Variants in STAT1 observed in about 807,000 individuals in gnomAD.
STAT1 encodes signal transducer and activator of transcription 1-alpha/beta.
In STAT1, 24 loss-of-function variants were observed where a neutral mutation model predicts 111.7. The ratio of observed to expected loss-of-function variants is 0.21; its 90% CI spans 0.16 to 0.30. STAT1 has a LOEUF of 0.30. Among genes scored for constraint, STAT1 ranks in the 10% least tolerant of loss-of-function variants. The probability of loss-of-function intolerance (pLI) is 1.00; values close to 1 mark genes in which losing one functional copy is unlikely to be tolerated. For missense variants in STAT1, 351 were observed against 911.9 expected (o/e 0.38, Z 7.92); for synonymous variants, 332 against 326.5 (o/e 1.02, Z -0.18).
chr2:191,002,603 T>A (rs1694357307), intron 5 of STAT1, among the ~76,000 whole-genome samples: 1 of 152,220 alleles, frequency 6.6e-6, no homozygotes, highest in South Asian at 2.1e-4. Flanking sequence ...CAGGGAGAGC[T>A]AACATCTTTA....
In STAT1 at chr2:191,007,706, GTTTAC is replaced by G; in HGVS notation, c.274-50_274-46del. 1 of 1,380,102 alleles carries G rather than the reference GTTTAC, an allele frequency of 7.2e-7. No homozygotes were observed. Among genetic ancestry groups the G allele is most frequent in the Non-Finnish European group, 1.0e-6 (1 of 969,890 alleles). 85.5% of individuals were successfully genotyped at this position (1,380,102 alleles called of 1,614,324 possible). ...ACAAAAATAAATTAAAATGCAGAAT[GTTTAC>G]TTTATTGTGTATTGTAAGTTGATAT... On this transcript the variant is annotated intron_variant, in intron 4 of 24. Transcript: ENST00000361099. This position sits in a 1 kb window ranked among gnomAD's most constrained non-coding sequence, Gnocchi z 4.2.
At chr2:191,005,082 A>G (rs1402813640) in intron 5 of STAT1, among the ~76,000 whole-genome samples, 2 of 152,228 alleles carry the variant, frequency 1.3e-5, no homozygotes, top group Non-Finnish European at 2.9e-5. Flanking sequence ...TGGGAACAAT[A>G]ATTTCCCATC....
In STAT1 at chr2:191,007,508, G is replaced by T; in HGVS notation, c.372+55C>A. The T allele has an allele frequency of 1.5e-6, 2 of 1,316,910 alleles. No homozygotes were observed. Among genetic ancestry groups the T allele is most frequent in the South Asian group, 1.2e-5 (1 of 84,520 alleles). 81.6% of individuals were successfully genotyped at this position (1,316,910 alleles called of 1,614,324 possible). ...GACATGGGCCCTAATAGTATTTGAT[G>T]AATGAATACATTTTTATTTTATTAC... On this transcript the variant is annotated intron_variant, in intron 5 of 24. Coordinates refer to ENST00000361099, the MANE Select transcript of STAT1 (RefSeq NM_007315.4). The surrounding 1 kb of genome is among the most constrained non-coding windows in gnomAD (Gnocchi z 4.2).
At position 190,978,844 on chromosome 2, in the gene STAT1, A is replaced by G; in HGVS notation, c.1873+12T>C. The G allele has an allele frequency of 6.2e-7, 1 of 1,613,574 alleles. No homozygotes were observed. The highest frequency in any genetic ancestry group is 8.5e-7 in the Non-Finnish European group (1 of 1,179,882). On this transcript the variant is annotated intron_variant, in intron 21 of 24. Coordinates refer to ENST00000361099, the MANE Select transcript of STAT1 (RefSeq NM_007315.4). The surrounding 1 kb of genome is among the most constrained non-coding windows in gnomAD (Gnocchi z 6.1). ...TGGAATGGTGGGACTATGTGCTCAA[A>G]CTCCCACTCACCGCCTCCGTTCTGG...
chr2:190,976,861 A>G lies in STAT1; in HGVS notation c.2038T>C (p.Tyr680His). 1 of 1,614,142 alleles carries G rather than the reference A, an allele frequency of 6.2e-7. No homozygotes were observed. The highest frequency in any genetic ancestry group is 8.5e-7 in the Non-Finnish European group (1 of 1,180,004). ...TTACCTTCCTTTGGCCTGGAGTAAT[A>G]CTTTCCAAAGGCATGGTCTTTGTCA... ...NIDKDHAFGK[Y>H]YSRPKEAPEP... The change falls in exon 22 of 25, where the codon TAT becomes CAT. Residue 680 changes from tyrosine (Y) to histidine (H), a missense_variant. Physicochemically the swap from Tyr to His is moderately conservative, Grantham distance 83. Around this residue, in one of 7 missense-constraint regions of STAT1, gnomAD observed 181 missense variants for 426.1 expected, o/e 0.42. Transcript: ENST00000361099. This position sits in a 1 kb window ranked among gnomAD's most constrained non-coding sequence, Gnocchi z 6.0.
rs987641912 is a variant in STAT1, at chr2:190,969,179, C to G, written c.*1524G>C. ...AACAATATTGTTTTAATGTTGTCTT[C>G]TTTGTTTTTTAGTCATTTCAATTGT... On this transcript the variant is annotated 3_prime_UTR_variant, in exon 25 of 25. Transcript: ENST00000361099. The G allele has an allele frequency of 4.6e-5, 7 of 150,590 alleles. No individual in the cohort carries two copies. In the East Asian group the frequency reaches 1.3e-3, roughly 29 times the overall value. The allele number at this position is 150,590 out of a possible 1,614,324, so 9.3% of individuals were successfully genotyped here. A position where few individuals can be genotyped will look rare whatever the true frequency, so the allele number is the denominator to read the frequency against.
At chr2:190,972,130 C>T (rs184547329) in intron 24 of STAT1, among the ~76,000 whole-genome samples, 16 of 152,308 alleles carry the variant, frequency 1.1e-4, no homozygotes, top group Admixed American at 4.6e-4. Context: ...CCTGTCACTG[C>T]GTGACCAGGG....
chr2:191,012,833 G>A lies in STAT1; in HGVS notation c.-2+692C>T, dbSNP rs550236919. Among the ~76,000 whole-genome samples, 5 of 152,224 alleles carry A rather than the reference G, an allele frequency of 3.3e-5. No homozygotes were observed. The highest frequency in any genetic ancestry group is 2.1e-4 in the South Asian group (1 of 4,826). ...AAACAGCCTCTCCACAAATTTTTGC[G>A]TCTCTAAATCCTATAGCATTCAAAG... is the stretch of plus-strand genomic sequence containing the variant. On this transcript the variant is annotated intron_variant, in intron 2 of 24. Transcript: ENST00000361099. This position sits in a 1 kb window ranked among gnomAD's most constrained non-coding sequence, Gnocchi z 4.0.
At position 190,980,764 on chromosome 2, in the gene STAT1, A is replaced by G; in HGVS notation, c.1583-95T>C. ...TCTTGTATTTGCTCTCAAGGAAAAG[A>G]GCCAAACACCCAACAAAGATTGTAT... On this transcript the variant is annotated intron_variant, in intron 18 of 24. Transcript: ENST00000361099. This position sits in a 1 kb window ranked among gnomAD's most constrained non-coding sequence, Gnocchi z 6.1. 1 of 1,221,502 alleles carries G rather than the reference A, an allele frequency of 8.2e-7. No individual in the cohort carries two copies. Among genetic ancestry groups the G allele is most frequent in the Non-Finnish European group, 1.2e-6 (1 of 831,994 alleles). 75.7% of individuals were successfully genotyped at this position (1,221,502 alleles called of 1,614,324 possible).
At position 190,974,826 on chromosome 2, in the gene STAT1, T is replaced by A; in HGVS notation, c.2238+4A>T. On this transcript the variant is annotated splice_donor_region_variant and intron_variant, in intron 24 of 24. Transcript: ENST00000361099. The surrounding 1 kb of genome is among the most constrained non-coding windows in gnomAD (Gnocchi z 4.8). ...GCTACACACAGGCCAGCCGTGGTAC[T>A]CACCATACTGTCGAATTCTACAGAG... The A allele has an allele frequency of 6.2e-7, 1 of 1,613,022 alleles. No individual in the cohort carries two copies. The highest frequency in any genetic ancestry group is 8.5e-7 in the Non-Finnish European group (1 of 1,179,006).
Position 190,979,743 on chromosome 2 carries a change from T to C in STAT1, c.1727+29A>G, listed in dbSNP as rs749045264. 1.9e-6 allele frequency: 3 copies of C among 1,561,862 alleles called. No individual in the cohort carries two copies. The highest frequency in any genetic ancestry group is 2.6e-6 in the Non-Finnish European group (3 of 1,132,356). On this transcript the variant is annotated intron_variant, in intron 20 of 24. Transcript: ENST00000361099. This position sits in a 1 kb window ranked among gnomAD's most constrained non-coding sequence, Gnocchi z 5.8. ...CAACCTCGCAGCACTAAAAATATGT[T>C]TCAAAATACATCTATCGGTGGCCCT...
rs534678041 is a variant in STAT1, at chr2:190,986,725, C to A, written c.1221+129G>T. ...CCCAAGTACTGGCGACAGGAAGACA[C>A]CAGCCACAAAGTCTACAAACCCCAG... On this transcript the variant is annotated intron_variant, in intron 14 of 24. Coordinates refer to ENST00000361099, the MANE Select transcript of STAT1 (RefSeq NM_007315.4). This position sits in a 1 kb window ranked among gnomAD's most constrained non-coding sequence, Gnocchi z 5.0. 2 of 886,282 alleles carry A rather than the reference C, an allele frequency of 2.3e-6. No individual in the cohort carries two copies. The highest frequency in any genetic ancestry group is 3.3e-5 in the African/African-American group (2 of 60,102). The allele number at this position is 886,282 out of a possible 1,614,324, so 54.9% of individuals were successfully genotyped here.
intron 10 of STAT1, among the ~76,000 whole-genome samples, chr2:190,994,093 G>T (rs1247035058): frequency 6.6e-6 from 1 of 152,198 alleles, no homozygotes; most frequent in African/African-American, 2.4e-5. Flanking sequence ...GAGATACAAG[G>T]TGAAGCTTTC....
In STAT1 at chr2:190,978,611, T is replaced by TGCAAA. The variant is rs1353415529; in HGVS notation, c.1873+240_1873+244dup. ...CTTGATCTGCAGATAACAAACCTGA[T>TGCAAA]GCAAAGGAAAGAATTGGCATTGTCT... On this transcript the variant is annotated intron_variant, in intron 21 of 24. Transcript: ENST00000361099. This position sits in a 1 kb window ranked among gnomAD's most constrained non-coding sequence, Gnocchi z 6.1. 1 of 565,672 alleles carries TGCAAA rather than the reference T, an allele frequency of 1.8e-6. No individual in the cohort carries two copies. Among genetic ancestry groups the TGCAAA allele is most frequent in the Non-Finnish European group, 3.2e-6 (1 of 313,072 alleles). 35.0% of individuals were successfully genotyped at this position (565,672 alleles called of 1,614,324 possible).
Position 190,993,512 on chromosome 2 carries a change from G to C in STAT1, c.944+1549C>G. ...GGAGGCAAGACTTTCCAACCCCAGA[G>C]TCGCCAATCAGAAGTAATTTGAATA... On this transcript the variant is annotated intron_variant, in intron 10 of 24. Transcript: ENST00000361099. This position sits in a 1 kb window ranked among gnomAD's most constrained non-coding sequence, Gnocchi z 4.1. The C allele has an allele frequency of 1.3e-6, 1 of 793,458 alleles. No homozygotes were observed. Among genetic ancestry groups the C allele is most frequent in the East Asian group, 2.7e-5 (1 of 36,554 alleles). The allele number at this position is 793,458 out of a possible 1,614,324, so 49.2% of individuals were successfully genotyped here.
In STAT1 at chr2:190,982,550, A is replaced by G. The variant is rs1238871905; in HGVS notation, c.1447-32T>C. The G allele has an allele frequency of 3.1e-6, 5 of 1,613,210 alleles. No homozygotes were observed. In the South Asian group the frequency reaches 5.5e-5, roughly 18 times the overall value. ...AGAAAACACCCAAAATCTAAGGGTTACTACAGAGACACCAGTCACAAGTGT... is the reference window on the plus strand; with the variant it reads ...AGAAAACACCCAAAATCTAAGGGTTGCTACAGAGACACCAGTCACAAGTGT... On this transcript the variant is annotated intron_variant, in intron 17 of 24. Transcript: ENST00000361099. This position sits in a 1 kb window ranked among gnomAD's most constrained non-coding sequence, Gnocchi z 7.3.
rs1196912422 is a variant in STAT1, at chr2:190,996,065, G to C, written c.786-846C>G. Among the ~76,000 whole-genome samples, 1 of 152,132 alleles carries C rather than the reference G, an allele frequency of 6.6e-6. No individual in the cohort carries two copies. On this transcript the variant is annotated intron_variant, in intron 9 of 24. Coordinates refer to ENST00000361099, the MANE Select transcript of STAT1 (RefSeq NM_007315.4). This position sits in a 1 kb window ranked among gnomAD's most constrained non-coding sequence, Gnocchi z 4.5. The stretch of plus-strand genomic sequence containing the variant: ...AGGGGCAGGAGGAGAGACAGAGATG[G>C]GAGACAAGGCCGGGGACAGGAAGAG...
intron 2 of STAT1, among the ~76,000 whole-genome samples, 158 bp from the exon 3 acceptor site, chr2:191,010,162 A>G (rs55960121): frequency 2.6e-5 from 4 of 152,238 alleles, no homozygotes; most frequent in Non-Finnish European, 5.9e-5. Context: ...TATAGTCTAA[A>G]GCCTGTTTTT....
rs1482374494 is a variant in STAT1 at position 191,007,580 on chromosome 2, C to T, written c.355G>A (p.Ala119Thr). 6.2e-7 allele frequency: 1 copy of T among 1,612,962 alleles called. No homozygotes were observed. Among genetic ancestry groups the T allele is most frequent in the South Asian group, 1.1e-5 (1 of 91,066 alleles). ...AAAAGTACCTGATTAAATCTCTGGG[C>T]GTTTTCCAGAATTTTCCTTTCTTCC... ...LKEERKILENAQRFNQAQSGN... is the reference protein window; with the variant it reads ...LKEERKILENTQRFNQAQSGN... The change falls in exon 5 of 25, where the codon GCC becomes ACC. Residue 119 changes from alanine to threonine, a missense_variant. By Grantham distance (58) the Ala-to-Thr change is moderately conservative. This residue lies in a region of STAT1 where 44 missense variants were observed against 144.2 expected (regional missense o/e 0.31). Transcript: ENST00000361099. This position sits in a 1 kb window ranked among gnomAD's most constrained non-coding sequence, Gnocchi z 4.2.
Sources: gnomAD v4.1 joint callset for allele counts (sites outside exome capture counted in the v4.1 genomes callset) on GRCh38, gnomAD v4.1.1 for gene constraint, gnomAD v4.1.1 regional missense constraint, Gnocchi (gnomAD v3.1) non-coding constraint, MANE v1.5 for transcripts, NCBI Gene and HGNC (gene_info 2026-07-23, HGNC 2026-07-21) for gene names.